Variants in C1orf167 observed in about 807,000 individuals in gnomAD.
C1orf167 encodes the protein chromosome 1 open reading frame 167.
Under a neutral mutation model 176.5 loss-of-function variants are expected in C1orf167, and 153 were observed. The observed-to-expected ratio is 0.87, with a 90% CI of 0.76 to 0.99. The LOEUF (loss-of-function observed/expected upper bound fraction) is 0.99, where lower values mean the gene tolerates loss of function less well. Among genes scored for constraint, C1orf167 ranks in the 50% least tolerant of loss-of-function variants. The pLI is 0.00. For missense variants in C1orf167, 1,490 were observed against 1,817.7 expected, an observed-to-expected ratio of 0.82 and a Z score of 3.28; for synonymous variants, 594 against 752.7, an observed-to-expected ratio of 0.79 and a Z score of 3.45.
In C1orf167 at chr1:11,783,206, C is replaced by T. The variant is rs114910739; in HGVS notation, c.3005+873C>T. On this transcript the variant is annotated intron_variant, in intron 14 of 20. Transcript: ENST00000688073. ...GAACTGTTGGCTACAGAATGGCTGA[C>T]GTCTGTGCTTTTGCATCTGAGGGTG... Among the ~76,000 whole-genome samples, 1,037 of 152,188 alleles carry T rather than the reference C, an allele frequency of 6.8e-3. 11 individuals are homozygous for T. The highest frequency in any genetic ancestry group is 0.023 in the African/African-American group (946 of 41,516).
rs1254385959 is a variant in C1orf167, at chr1:11,789,352, C to A, written c.4256C>A (p.Pro1419Gln). The part of the protein sequence containing the change: ...AASSPRPWSK[P>Q]GPKGPESGQE... ...AGTAGCCCAAGACCCTGGAGCAAGC[C>A]AGGCCCCAAGGGCCCCGAGAGTGGA... The change falls in exon 21 of 21, where the codon CCA (proline) becomes CAA (glutamine). Residue 1419 changes from proline to glutamine, a missense_variant. Coordinates refer to ENST00000688073, the MANE Select transcript of C1orf167 (RefSeq NM_001010881.2). 2 of 1,304,086 alleles carry A rather than the reference C, an allele frequency of 1.5e-6. No individual in the cohort carries two copies. Among genetic ancestry groups the A allele is most frequent in the Middle Eastern group, 4.3e-4 (2 of 4,638 alleles). The allele number at this position is 1,304,086 out of a possible 1,614,324, so 80.8% of individuals were successfully genotyped here.
chr1:11,779,948 C>T lies in C1orf167; in HGVS notation c.2798C>T (p.Ala933Val). ...LLQSRLVEWWAQERGWRLARD... is the reference protein window; with the variant it reads ...LLQSRLVEWWVQERGWRLARD... ...CAGTCACGGCTGGTGGAGTGGTGGG[C>T]CCAGGAGCGGGGCTGGCGGCTGGCA... Residue 933 changes from alanine (A) to valine (V), a missense_variant, in exon 13 of 21, where the codon GCC (alanine) becomes GTC (valine). Physicochemically the swap from Ala to Val is moderately conservative, Grantham distance 64 (BLOSUM62 0). Transcript: ENST00000688073. 4 of 1,299,354 alleles carry T rather than the reference C, an allele frequency of 3.1e-6. No homozygotes were observed. The highest frequency in any genetic ancestry group is 4.1e-6 in the Non-Finnish European group (4 of 986,560). The allele number at this position is 1,299,354 out of a possible 1,614,324, so 80.5% of individuals were successfully genotyped here. A position where few individuals can be genotyped will look rare whatever the true frequency, so the allele number is the denominator to read the frequency against.
At chr1:11,770,454 T>C (rs996525032) in intron 6 of C1orf167, among the ~76,000 whole-genome samples, 20 of 151,344 alleles carry the variant, frequency 1.3e-4, no homozygotes, top group African/African-American at 4.6e-4. Flanking sequence ...TTTTTCTTTT[T>C]TTTTTTTTCG....
At chr1:11,774,204 G>A (rs1021741649) in intron 8 of C1orf167, among the ~76,000 whole-genome samples, 9 of 151,010 alleles carry the variant, frequency 6.0e-5, no homozygotes, top group Non-Finnish European at 1.0e-4. Context: ...CATGCCTGGC[G>A]AATTTTAAAA....
rs1371084144 is a variant in C1orf167 at position 11,768,751 on chromosome 1, C to G, written c.1543-222C>G. ...GAGAGGGTCCAGTCGCAGCTTTCAT[C>G]TTTTAAGGAAAGCGTTGCCTCTTGG... is the stretch of plus-strand genomic sequence containing the variant. On this transcript the variant is annotated intron_variant, in intron 5 of 20. Coordinates refer to ENST00000688073, the MANE Select transcript of C1orf167 (RefSeq NM_001010881.2). This position sits in a 1 kb window ranked among gnomAD's most constrained non-coding sequence, Gnocchi z 4.5. Among the ~76,000 whole-genome samples, 1 of 152,148 alleles carries G rather than the reference C, an allele frequency of 6.6e-6. No homozygotes were observed. The highest frequency in any genetic ancestry group is 1.5e-5 in the Non-Finnish European group (1 of 68,030).
Position 11,768,421 on chromosome 1 carries a change from A to G in C1orf167, c.1542+146A>G, listed in dbSNP as rs985610774. 3 of 675,094 alleles carry G rather than the reference A, an allele frequency of 4.4e-6. No individual in the cohort carries two copies. In the African/African-American group the frequency reaches 5.7e-5, roughly 13 times the overall value. The allele number at this position is 675,094 out of a possible 1,614,324, so 41.8% of individuals were successfully genotyped here. On this transcript the variant is annotated intron_variant, in intron 5 of 20. Coordinates refer to ENST00000688073, the MANE Select transcript of C1orf167 (RefSeq NM_001010881.2). The surrounding 1 kb of genome is among the most constrained non-coding windows in gnomAD (Gnocchi z 4.5). Reference sequence around the variant, plus strand: ...GTAAAGGGTGTAGTTGTGAGTCCACACACCTGAATCAGCTCTGCCTGAGTT... The same window carrying G: ...GTAAAGGGTGTAGTTGTGAGTCCACGCACCTGAATCAGCTCTGCCTGAGTT...
chr1:11,767,713 C>T (rs918283363), intron 4 of C1orf167, among the ~76,000 whole-genome samples: 1 of 152,068 alleles, frequency 6.6e-6, no homozygotes, highest in Non-Finnish European at 1.5e-5. Flanking sequence ...GTAGTCTCAG[C>T]TACGCAGGAG....
At chr1:11,787,265 G>A (rs1643899599) in intron 16 of C1orf167, 123 bp from the exon 17 acceptor site, 2 of 371,856 alleles carry the variant, frequency 5.4e-6, no homozygotes, top group East Asian at 1.1e-4. Flanking sequence ...TCAGCCACAT[G>A]GGGGAATGGG....
In C1orf167 at chr1:11,784,026, T is replaced by A. The variant is rs1207601597; in HGVS notation, c.3006-148T>A. ...GTGCCCACTACCAGGCCTGGCTAATTTTTGTATTTTTAATAGAGACGGGGT... is the reference window on the plus strand; with the variant it reads ...GTGCCCACTACCAGGCCTGGCTAATATTTGTATTTTTAATAGAGACGGGGT... On this transcript the variant is annotated intron_variant, in intron 14 of 20. Transcript: ENST00000688073. 6.2e-6 allele frequency: 4 copies of A among 649,320 alleles called. No homozygotes were observed. The East Asian group carries it at 2.7e-4, about 44-fold the overall frequency. The allele number at this position is 649,320 out of a possible 1,614,324, so 40.2% of individuals were successfully genotyped here.
At chr1:11,786,621 T>G (rs1377877251) in intron 16 of C1orf167, 2 of 122,520 alleles carry the variant, frequency 1.6e-5, no homozygotes, top group African/African-American at 5.9e-5. Context: ...TTTTTTTTTT[T>G]GTAGAAATGG....
Position 11,762,293 on chromosome 1 carries a change from AG to A in C1orf167, c.-81del, listed in dbSNP as rs1250856770. The A allele has an allele frequency of 2.5e-6, 1 of 399,472 alleles. No individual in the cohort carries two copies. The highest frequency in any genetic ancestry group is 5.1e-6 in the Non-Finnish European group (1 of 196,970). The allele number at this position is 399,472 out of a possible 1,614,324, so 24.7% of individuals were successfully genotyped here. ...CGACTGGGTGAAGGAGGACCCGAGG[AG>A]GACCCACGCACGTGAGGGCAGATCC... is the stretch of plus-strand genomic sequence containing the variant. On this transcript the variant is annotated 5_prime_UTR_variant, in exon 1 of 21. Transcript: ENST00000688073.
intron 13 of C1orf167, among the ~76,000 whole-genome samples, chr1:11,781,888 T>C (rs9727993): frequency 0.64 from 95,854 of 149,768 alleles, 31,477 homozygotes; most frequent in East Asian, 0.78. Context: ...CCAGCCTGGG[T>C]GACGGAGTAA....
rs890830654 is a variant in C1orf167, at chr1:11,765,768, T to A, written c.71-89T>A. The A allele has an allele frequency of 5.9e-5, 67 of 1,127,352 alleles. 1 individual carries two copies. The South Asian group carries it at 1.1e-3, about 19-fold the overall frequency. 69.8% of individuals were successfully genotyped at this position (1,127,352 alleles called of 1,614,324 possible). Reference sequence around the variant, plus strand: ...GCTCCCTCCCGCTGCTGGGGCCCTGTCCCCTCCCTGGCTCCGAGGCCTGGA... The same window carrying A: ...GCTCCCTCCCGCTGCTGGGGCCCTGACCCCTCCCTGGCTCCGAGGCCTGGA... On this transcript the variant is annotated intron_variant, in intron 2 of 20. Transcript: ENST00000688073.
At chr1:11,784,008 C>T (rs1394445682) in intron 14 of C1orf167, among the ~76,000 whole-genome samples, 166 bp from the exon 15 acceptor site, 2 of 152,126 alleles carry the variant, frequency 1.3e-5, no homozygotes, top group South Asian at 2.1e-4. Context: ...CAGGTGCCCA[C>T]TACCAGGCCT....
chr1:11,784,691 G>GTAATT, intron 15 of C1orf167, 98 bp downstream of exon 15: 2 of 1,158,050 alleles, frequency 1.7e-6, no homozygotes, highest in Admixed American at 7.5e-5. Flanking sequence ...TGGCTGGGTG[G>GTAATT]CAGGGCAAAG....
intron 6 of C1orf167, among the ~76,000 whole-genome samples, chr1:11,770,100 T>C (rs1480528594): frequency 6.6e-6 from 1 of 152,096 alleles, no homozygotes; most frequent in Non-Finnish European, 1.5e-5. Context: ...AGTATTTTTA[T>C]GAATATTTGC....
chr1:11,781,902 TC>T (rs760851934), intron 13 of C1orf167, among the ~76,000 whole-genome samples: 21 of 140,550 alleles, frequency 1.5e-4, no homozygotes, highest in Non-Finnish European at 2.5e-4. Flanking sequence ...GGAGTAAGAC[TC>T]CGTCTCAAAA....
At chr1:11,788,501 G>T in intron 19 of C1orf167, 123 bp downstream of exon 19, 1 of 1,120,766 alleles carries the variant, frequency 8.9e-7, no homozygotes, top group Non-Finnish European at 1.2e-6. Context: ...GACAGGCCCA[G>T]GAATCTGCAT....
chr1:11,766,588 C>T lies in C1orf167; in HGVS notation c.802C>T (p.Gln268Ter). The stretch of plus-strand genomic sequence containing the variant: ...CCAGGAACCCCCCGGTGCTGTGCAG[C>T]AGGACCTCTGGACCGGCGGCGGCCA... Reference protein sequence around the residue: ...APQEPPGAVQQDLWTGGGQPF... With the variant: ...APQEPPGAVQ Residue 268 changes from glutamine to a stop codon, truncating the protein, a stop_gained, in exon 3 of 21, where the codon CAG becomes TAG. Transcript: ENST00000688073. LOFTEE classifies it high-confidence loss of function. This position sits in a 1 kb window ranked among gnomAD's most constrained non-coding sequence, Gnocchi z 4.5. 1 of 1,269,376 alleles carries T rather than the reference C, an allele frequency of 7.9e-7. No homozygotes were observed. The highest frequency in any genetic ancestry group is 1.0e-6 in the Non-Finnish European group (1 of 978,494). 78.6% of individuals were successfully genotyped at this position (1,269,376 alleles called of 1,614,324 possible).
Sources: gnomAD v4.1 joint callset for allele counts (sites outside exome capture counted in the v4.1 genomes callset) on GRCh38, gnomAD v4.1.1 for gene constraint, Gnocchi (gnomAD v3.1) non-coding constraint, MANE v1.5 for transcripts, NCBI Gene and HGNC (gene_info 2026-07-23, HGNC 2026-07-21) for gene names.